Variants in PCCB observed in about 807,000 individuals in gnomAD.
PCCB encodes propionyl-CoA carboxylase subunit beta, also known as propionyl-CoA carboxylase beta chain, mitochondrial.
Under a neutral mutation model 60.7 loss-of-function variants are expected in PCCB, and 43 were observed. The observed-to-expected ratio is 0.71, with a 90% CI of 0.55 to 0.91. The LOEUF (loss-of-function observed/expected upper bound fraction) is 0.91, where lower values mean the gene tolerates loss of function less well. Ranked by LOEUF, PCCB falls within the 40% of genes least tolerant of loss-of-function variation. The pLI, the probability that PCCB is intolerant of heterozygous loss-of-function variation, is 0.00. For missense variants in PCCB, 766 were observed against 702.8 expected (o/e 1.09, Z -1.02); for synonymous variants, 276 against 255.9 (o/e 1.08, Z -0.75).
chr3:136,327,957 G>A (rs1935392000), intron 13 of PCCB, among the ~76,000 whole-genome samples: 2 of 152,168 alleles, frequency 1.3e-5, no homozygotes, highest in South Asian at 2.1e-4. Context: ...GTGTCTTCAT[G>A]CCAAGGTGGG....
In PCCB at chr3:136,254,518, CTT is replaced by C. The variant is rs3994953; in HGVS notation, c.184-1309_184-1308del. ...TACAGGTGTGAGCCACTGCGGCTAG[CTT>C]TTTTTTTTTTTTTTTTTTTTTTTTT... On this transcript the variant is annotated intron_variant, in intron 1 of 14. Transcript: ENST00000251654. Among the ~76,000 whole-genome samples the C allele has an allele frequency of 6.1e-3, 278 of 45,908 alleles. 2 individuals carry two copies. Among genetic ancestry groups the C allele is most frequent in the African/African-American group, 0.022 (243 of 11,276 alleles). 30.1% of individuals were successfully genotyped at this position (45,908 alleles called of 152,430 possible).
intron 6 of PCCB, among the ~76,000 whole-genome samples, chr3:136,291,736 C>T (rs1030188704): frequency 2.0e-5 from 3 of 152,140 alleles, no homozygotes; most frequent in South Asian, 2.1e-4. Flanking sequence ...TATAGTTTTG[C>T]CTGAGAGAAG....
At chr3:136,294,499 TG>T (rs1314383678) in intron 7 of PCCB, among the ~76,000 whole-genome samples, 2 of 151,538 alleles carry the variant, frequency 1.3e-5, no homozygotes, top group African/African-American at 4.8e-5. Flanking sequence ...TTTGTAGAGA[TG>T]GGGTTTTACC....
chr3:136,255,991 G>A lies in PCCB; in HGVS notation c.303+16G>A, dbSNP rs1206026909. The A allele has an allele frequency of 1.2e-6, 2 of 1,613,970 alleles. No individual in the cohort carries two copies. Among genetic ancestry groups the A allele is most frequent in the Non-Finnish European group, 1.7e-6 (2 of 1,179,934 alleles). On this transcript the variant is annotated intron_variant, in intron 2 of 14. Transcript: ENST00000251654. ...TAAGAATAAGGTATTTGTTCAAATG[G>A]TGGTGTGAACACTTTTTAGGTGTGG...
At chr3:136,299,377 TGC>T (rs1172787794) in intron 8 of PCCB, among the ~76,000 whole-genome samples, 1 of 151,982 alleles carries the variant, frequency 6.6e-6, no homozygotes, top group East Asian at 1.9e-4. Context: ...TAGGTATATA[TGC>T]ATATGTATGT....
At chr3:136,320,563 G>T (rs1005046278) in intron 10 of PCCB, among the ~76,000 whole-genome samples, 5 of 152,140 alleles carry the variant, frequency 3.3e-5, no homozygotes, top group Admixed American at 6.5e-5. Flanking sequence ...CAACTTTGCT[G>T]GGTTTATTAA....
intron 5 of PCCB, among the ~76,000 whole-genome samples, chr3:136,270,878 T>A (rs1228800069): frequency 6.6e-6 from 1 of 152,200 alleles, no homozygotes; most frequent in Non-Finnish European, 1.5e-5. Flanking sequence ...TCATTTGCAT[T>A]TTCCTGATAG....
intron 11 of PCCB, 88 bp from the exon 12 acceptor site, chr3:136,327,067 C>T (rs777613312): frequency 7.6e-7 from 1 of 1,318,764 alleles, no homozygotes. Flanking sequence ...ATGGCCCTCT[C>T]CAGAGGTGGG....
intron 9 of PCCB, among the ~76,000 whole-genome samples, chr3:136,308,578 G>A (rs972737261): frequency 8.5e-5 from 13 of 152,158 alleles, no homozygotes; most frequent in Non-Finnish European, 1.8e-4. Flanking sequence ...CCTAAATAAC[G>A]TAATAGGTAG....
chr3:136,273,574 CTTTCTTTTTTTTTTTCTTT>C (rs1437297902), intron 5 of PCCB, among the ~76,000 whole-genome samples: 58 of 50,350 alleles, frequency 1.2e-3, no homozygotes, highest in East Asian at 9.8e-3. Context: ...CCTTCTTTTT[CTTTCTTTTTTTTTTTCTTT>C]TTTCTTTTTT....
chr3:136,294,005 A>G, intron 7 of PCCB, 141 bp downstream of exon 7: 1 of 653,940 alleles, frequency 1.5e-6, no homozygotes. Context: ...CTATTGTACT[A>G]CACTACAGTG....
At chr3:136,318,416 A>T (rs1560029370) in intron 10 of PCCB, among the ~76,000 whole-genome samples, 1 of 152,206 alleles carries the variant, frequency 6.6e-6, no homozygotes, top group Admixed American at 6.5e-5. Flanking sequence ...TAAAATATAT[A>T]TAACAAAATA....
At chr3:136,267,944 CTT>C (rs1190834904) in intron 5 of PCCB, among the ~76,000 whole-genome samples, 1 of 103,464 alleles carries the variant, frequency 9.7e-6, no homozygotes, top group Non-Finnish European at 2.0e-5. Context: ...AGGTTTGGCT[CTT>C]TTTTTTTTTT....
Position 136,326,188 on chromosome 3 carries a change from G to A in PCCB, c.1091-615G>A. 7 of 583,942 alleles carry A rather than the reference G, an allele frequency of 1.2e-5. No individual in the cohort carries two copies. In the South Asian group the frequency reaches 1.6e-4, roughly 13 times the overall value. 36.2% of individuals were successfully genotyped at this position (583,942 alleles called of 1,614,324 possible). On this transcript the variant is annotated intron_variant, in intron 10 of 14. Transcript: ENST00000251654. The stretch of plus-strand genomic sequence containing the variant: ...TAAAAATTTTTCATTTATGTTTTTG[G>A]TCTGTATTCTTTTCTGATGATGGTC...
At chr3:136,257,306 G>C (rs547292699) in intron 3 of PCCB, among the ~76,000 whole-genome samples, 1 of 152,218 alleles carries the variant, frequency 6.6e-6, no homozygotes, top group Non-Finnish European at 1.5e-5. Context: ...TTGAAGATGG[G>C]AGAAGGGGAC....
intron 5 of PCCB, among the ~76,000 whole-genome samples, chr3:136,273,003 T>C (rs1942240634): frequency 6.6e-6 from 1 of 152,154 alleles, no homozygotes; most frequent in Admixed American, 6.5e-5. Flanking sequence ...TCCCCAGAGG[T>C]TTTTATAACT....
intron 6 of PCCB, among the ~76,000 whole-genome samples, chr3:136,291,787 CT>C (rs958135446): frequency 7.9e-5 from 12 of 152,218 alleles, no homozygotes; most frequent in Non-Finnish European, 1.2e-4. Context: ...TCAGAAGGGT[CT>C]TTTTTTCCCC....
chr3:136,277,740 G>A (rs1423631371), intron 5 of PCCB, among the ~76,000 whole-genome samples: 1 of 152,150 alleles, frequency 6.6e-6, no homozygotes, highest in Non-Finnish European at 1.5e-5. Context: ...CCACACGGTC[G>A]GAAAGGCAGA....
At chr3:136,300,807 T>C (rs576352252) in intron 8 of PCCB, among the ~76,000 whole-genome samples, 19 of 152,190 alleles carry the variant, frequency 1.2e-4, no homozygotes, top group Non-Finnish European at 2.1e-4. Context: ...TTTTTTCCTC[T>C]AAAAGAGAAC....
Sources: allele counts gnomAD v4.1 joint callset (sites outside exome capture counted in the v4.1 genomes callset), GRCh38; gene constraint gnomAD v4.1.1; transcripts MANE v1.5; gene names NCBI Gene and HGNC (gene_info 2026-07-23, HGNC 2026-07-21).